Variants in NFKB1 observed in about 807,000 individuals in gnomAD.
The protein encoded by NFKB1 is nuclear factor NF-kappa-B p105 subunit.
A neutral mutation model predicts 105.1 loss-of-function variants in NFKB1; 9 were observed. That is an observed-to-expected ratio of 0.09 (90% CI 0.05 to 0.15). The LOEUF is 0.15. Ranked by LOEUF, NFKB1 falls within the 10% of genes least tolerant of loss-of-function variation. The pLI is 1.00. For missense variants in NFKB1, 830 were observed against 1,203.7 expected (o/e 0.69, Z 4.59); for synonymous variants, 440 against 442.2 (o/e 1.00, Z 0.06).
chr4:102,540,897 CA>C (rs1406342532), intron 5 of NFKB1, among the ~76,000 whole-genome samples: 2 of 152,000 alleles, frequency 1.3e-5, no homozygotes, highest in African/African-American at 2.4e-5. Context: ...AATGTTTAAG[CA>C]GAGGAAAAAA....
At chr4:102,601,744 G>A (rs1000859121) in intron 16 of NFKB1, among the ~76,000 whole-genome samples, 3 of 152,224 alleles carry the variant, frequency 2.0e-5, no homozygotes, top group Non-Finnish European at 2.9e-5. Context: ...GAGCTTGGAC[G>A]TTGGTGATGG....
At chr4:102,531,792 C>CA (rs1741309479) in intron 3 of NFKB1, among the ~76,000 whole-genome samples, 1 of 152,124 alleles carries the variant, frequency 6.6e-6, no homozygotes, top group Non-Finnish European at 1.5e-5. Context: ...TTAAATCCTA[C>CA]AGGAAAAATA....
At chr4:102,605,302 G>T (rs1166736716) in intron 16 of NFKB1, among the ~76,000 whole-genome samples, 1 of 152,184 alleles carries the variant, frequency 6.6e-6, no homozygotes, top group Non-Finnish European at 1.5e-5. Flanking sequence ...AAAGGGTCTT[G>T]TATAGTAAAT....
At chr4:102,531,766 A>G (rs1381921130) in intron 3 of NFKB1, among the ~76,000 whole-genome samples, 1 of 152,216 alleles carries the variant, frequency 6.6e-6, no homozygotes, top group Admixed American at 6.5e-5. Context: ...ATGAATTTTC[A>G]CATATTTAAA....
At chr4:102,560,753 T>G (rs1201328200) in intron 5 of NFKB1, among the ~76,000 whole-genome samples, 2 of 152,234 alleles carry the variant, frequency 1.3e-5, no homozygotes, top group Non-Finnish European at 2.9e-5. Context: ...ACTTCTGTTT[T>G]CTTATCTACA....
Position 102,576,860 on chromosome 4 carries a change from A to G in NFKB1, c.408-16A>G, listed in dbSNP as rs1181089851. 1 of 1,599,078 alleles carries G rather than the reference A, an allele frequency of 6.3e-7. No individual in the cohort carries two copies. Among genetic ancestry groups the G allele is most frequent in the Non-Finnish European group, 8.5e-7 (1 of 1,173,952 alleles). On this transcript the variant is annotated splice_polypyrimidine_tract_variant and intron_variant, in intron 6 of 23. Coordinates refer to ENST00000226574, the MANE Select transcript of NFKB1 (RefSeq NM_003998.4). The stretch of plus-strand genomic sequence containing the variant: ...TTTGGTTGTTGTTGCTGCTGCTGTT[A>G]CTGTTTTTTCTCCAGCTTCGCAAAC...
chr4:102,608,728 C>A (rs572570399), intron 19 of NFKB1, among the ~76,000 whole-genome samples: 9 of 151,368 alleles, frequency 5.9e-5, no homozygotes, highest in African/African-American at 2.2e-4. Flanking sequence ...GACATAGGAA[C>A]TTTTTCTTTG....
chr4:102,579,210 G>A (rs1251640116), intron 8 of NFKB1, among the ~76,000 whole-genome samples, 171 bp downstream of exon 8: 1 of 152,122 alleles, frequency 6.6e-6, no homozygotes, highest in Non-Finnish European at 1.5e-5. Flanking sequence ...TGATGTCCAG[G>A]TTAAATGAGG....
intron 11 of NFKB1, among the ~76,000 whole-genome samples, chr4:102,588,461 A>T (rs372067060): frequency 2.4e-4 from 36 of 152,284 alleles, no homozygotes; most frequent in South Asian, 6.2e-4. Context: ...AAATAAAAAA[A>T]AAATAAAAGA....
At chr4:102,615,466 G>A (rs1728861432) in intron 23 of NFKB1, among the ~76,000 whole-genome samples, 1 of 152,164 alleles carries the variant, frequency 6.6e-6, no homozygotes, top group South Asian at 2.1e-4. Flanking sequence ...CCTTCCCAGG[G>A]GAGCAAGGGC....
At chr4:102,582,736 C>A in intron 9 of NFKB1, 130 bp from the exon 10 acceptor site, 2 of 530,408 alleles carry the variant, frequency 3.8e-6, no homozygotes, top group Non-Finnish European at 3.2e-6. Flanking sequence ...AAGACTGAAC[C>A]TTTTGATCTT....
intron 2 of NFKB1, among the ~76,000 whole-genome samples, chr4:102,527,271 A>G (rs1316779416): frequency 6.6e-6 from 1 of 152,222 alleles, no homozygotes; most frequent in Non-Finnish European, 1.5e-5. Flanking sequence ...AAGCAGCATC[A>G]CTAGGTGCTA....
At chr4:102,565,864 T>C (rs1224187851) in intron 5 of NFKB1, among the ~76,000 whole-genome samples, 1 of 152,188 alleles carries the variant, frequency 6.6e-6, no homozygotes, top group Non-Finnish European at 1.5e-5. Flanking sequence ...AAGTACAGTA[T>C]GAGCTAAGGA....
Position 102,610,714 on chromosome 4 carries a change from A to C in NFKB1, c.2352+15A>C, listed in dbSNP as rs769009252. The C allele has an allele frequency of 8.1e-6, 13 of 1,612,630 alleles. No individual in the cohort carries two copies. The African/African-American group carries it at 1.7e-4, about 22-fold the overall frequency. ...CCAGCTGGCAGGTGAGTGCCGCTCC[A>C]TCTGTCTGATGGCTGCCCCTGAGGG... On this transcript the variant is annotated intron_variant, in intron 20 of 23. Transcript: ENST00000226574.
intron 5 of NFKB1, among the ~76,000 whole-genome samples, chr4:102,543,750 G>C (rs930781178): frequency 6.6e-6 from 1 of 151,946 alleles, no homozygotes; most frequent in African/African-American, 2.4e-5. Flanking sequence ...CCTTTCCTTT[G>C]TATAGACTTG....
chr4:102,546,397 A>G (rs1372858506), intron 5 of NFKB1, among the ~76,000 whole-genome samples: 8 of 152,124 alleles, frequency 5.3e-5, no homozygotes, highest in Admixed American at 6.6e-5. Context: ...ACTACCCATA[A>G]AAATCTGCTT....
intron 5 of NFKB1, among the ~76,000 whole-genome samples, chr4:102,560,202 A>G (rs1176884257): frequency 6.6e-6 from 1 of 152,238 alleles, no homozygotes; most frequent in Non-Finnish European, 1.5e-5. Context: ...CTGTTGAGGT[A>G]CAAGTTCCCA....
intron 1 of NFKB1, among the ~76,000 whole-genome samples, chr4:102,509,666 G>A (rs1037952188): frequency 2.6e-5 from 4 of 152,058 alleles, no homozygotes; most frequent in Admixed American, 1.3e-4. Context: ...TAGGGAATGC[G>A]GTTGTTAGCC....
At chr4:102,548,645 A>G (rs561034079) in intron 5 of NFKB1, among the ~76,000 whole-genome samples, 9 of 152,280 alleles carry the variant, frequency 5.9e-5, no homozygotes, top group African/African-American at 2.2e-4. Flanking sequence ...GTCCAATATC[A>G]TGGTCTTCGC....
Sources: allele counts gnomAD v4.1 joint callset (sites outside exome capture counted in the v4.1 genomes callset), GRCh38; gene constraint gnomAD v4.1.1; transcripts MANE v1.5; gene names NCBI Gene and HGNC (gene_info 2026-07-23, HGNC 2026-07-21).